Variants in PRRC2C observed in about 807,000 individuals in gnomAD.
PRRC2C encodes the protein protein PRRC2C.
PRRC2C carries 72 observed loss-of-function variants against 317.2 expected under a neutral mutation model. That is an observed-to-expected ratio of 0.23 (90% confidence interval 0.19 to 0.28). PRRC2C has a LOEUF of 0.28. Among genes scored for constraint, PRRC2C ranks in the 10% least tolerant of loss-of-function variants. The probability of loss-of-function intolerance (pLI) is 1.00; values close to 1 mark genes in which losing one functional copy is unlikely to be tolerated. For synonymous variants in PRRC2C, 1,296 were observed against 1,205.9 expected (o/e 1.07, Z -1.55); for missense variants, 3,074 against 3,459.7 (o/e 0.89, Z 2.80).
At chr1:171,550,729 G>A (rs1358952421) in intron 18 of PRRC2C, among the ~76,000 whole-genome samples, 1 of 150,766 alleles carries the variant, frequency 6.6e-6, no homozygotes, top group Non-Finnish European at 1.5e-5. Context: ...TTGGTTTTCT[G>A]TCCTTGCAAT....
In PRRC2C at chr1:171,591,886, G is replaced by GCCCCCC; in HGVS notation, c.*39_*40insCCCCCC. 9 of 475,588 alleles carry GCCCCCC rather than the reference G, an allele frequency of 1.9e-5. No homozygotes were observed. The highest frequency in any genetic ancestry group is 6.2e-5 in the East Asian group (1 of 16,260). The allele number at this position is 475,588 out of a possible 1,614,324, so 29.5% of individuals were successfully genotyped here. A position where few individuals can be genotyped will look rare whatever the true frequency, so the allele number is the denominator to read the frequency against. On this transcript the variant is annotated 3_prime_UTR_variant, in exon 35 of 35. Transcript: ENST00000647382. Reference sequence around the variant, plus strand: ...TTGCAGGGGATTGGGAGGGGGGCGGGAAAACATGGAGAATTAAGTCAGATA... The same window carrying GCCCCCC: ...TTGCAGGGGATTGGGAGGGGGGCGGGCCCCCCAAAACATGGAGAATTAAGTCAGATA...
chr1:171,537,962 G>A lies in PRRC2C; in HGVS notation c.2504+489G>A, dbSNP rs563230202. The stretch of plus-strand genomic sequence containing the variant: ...GTCTCCCAGGCTGGAGTGCAGTGGC[G>A]CGATCTCAGCTCACTGCAAGCTCTG... On this transcript the variant is annotated intron_variant, in intron 15 of 34. Coordinates refer to ENST00000647382, the MANE Select transcript of PRRC2C (RefSeq NM_001387844.1). Among the ~76,000 whole-genome samples the A allele has an allele frequency of 2.0e-5, 3 of 152,010 alleles. No individual in the cohort carries two copies. In the South Asian group the frequency reaches 6.2e-4, roughly 32 times the overall value.
In PRRC2C at chr1:171,557,545, T is replaced by G; in HGVS notation, c.5433T>G (p.Val1811=). 6.4e-7 allele frequency: 1 copy of G among 1,551,562 alleles called. No homozygotes were observed. Among genetic ancestry groups the G allele is most frequent in the Non-Finnish European group, 8.7e-7 (1 of 1,146,970 alleles). The part of the protein sequence containing the change: ...APVPASPLAP[V]SASASVSASV... ...TTCCAGCCTCACCCTTAGCTCCAGT[T>G]TCAGCCTCAGCCTCAGTCTCAGCTT... is the stretch of plus-strand genomic sequence containing the variant. The change falls in exon 19 of 35, where the codon GTT becomes GTG. Residue 1811 remains valine (V), a synonymous_variant. Transcript: ENST00000647382.
chr1:171,530,536 G>A (rs926045765), intron 11 of PRRC2C, among the ~76,000 whole-genome samples: 8 of 151,828 alleles, frequency 5.3e-5, no homozygotes, highest in African/African-American at 1.7e-4. Context: ...GTGAGCCACC[G>A]TGTCTAGCCT....
At chr1:171,535,317 A>G (rs1302362964) in intron 12 of PRRC2C, 111 bp from the exon 13 acceptor site, 1 of 889,932 alleles carries the variant, frequency 1.1e-6, no homozygotes, top group Non-Finnish European at 1.6e-6. Context: ...TAGAGTGTCG[A>G]GGATATTTTC....
At chr1:171,553,141 C>T (rs1680634229) in intron 18 of PRRC2C, among the ~76,000 whole-genome samples, 3 of 152,124 alleles carry the variant, frequency 2.0e-5, no homozygotes, top group African/African-American at 7.2e-5. Flanking sequence ...ATTTCAGAGC[C>T]TGTTACTGGT....
intron 15 of PRRC2C, among the ~76,000 whole-genome samples, chr1:171,539,244 G>T (rs540188576): frequency 1.3e-5 from 2 of 151,560 alleles, no homozygotes; most frequent in Non-Finnish European, 2.9e-5. Flanking sequence ...CAGGTGATCC[G>T]CCCTCCTCGG....
At chr1:171,523,191 G>GT (rs1673936893) in intron 7 of PRRC2C, 30 bp from the exon 8 acceptor site, 3 of 1,568,834 alleles carry the variant, frequency 1.9e-6, no homozygotes, top group Non-Finnish European at 2.6e-6. Flanking sequence ...ATAAACTTTT[G>GT]TATCTTTTCC....
At chr1:171,547,287 G>A (rs140243743) in intron 17 of PRRC2C, among the ~76,000 whole-genome samples, 2,164 of 152,182 alleles carry the variant, frequency 0.014, 20 homozygotes, top group Non-Finnish European at 0.023. Flanking sequence ...ATGTTAAAAA[G>A]AAGAGGACAT....
At chr1:171,536,326 T>C (rs546001613) in intron 14 of PRRC2C, 48 bp downstream of exon 14, 17 of 1,560,512 alleles carry the variant, frequency 1.1e-5, no homozygotes, top group African/African-American at 5.4e-5. Context: ...AATTTTTTTT[T>C]CCCTGCTTTT....
At chr1:171,509,858 T>G (rs1670977437) in intron 1 of PRRC2C, 1 of 138,914 alleles carries the variant, frequency 7.2e-6, no homozygotes. Flanking sequence ...TTTTTTTTTT[T>G]TTTTTTTTTT....
At chr1:171,581,177 C>T (rs909741943) in intron 28 of PRRC2C, among the ~76,000 whole-genome samples, 3 of 152,076 alleles carry the variant, frequency 2.0e-5, no homozygotes, top group Non-Finnish European at 2.9e-5. Context: ...TATTTTCTCC[C>T]GTTAGAAGCC....
At chr1:171,506,088 G>A (rs1270727019) in intron 1 of PRRC2C, among the ~76,000 whole-genome samples, 3 of 152,086 alleles carry the variant, frequency 2.0e-5, no homozygotes, top group Non-Finnish European at 2.9e-5. Context: ...GTAGAGCCAG[G>A]GTTTCACCAT....
At position 171,545,512 on chromosome 1, in the gene PRRC2C, G is replaced by A. The variant is rs761607738; in HGVS notation, c.4797G>A (p.Gly1599=). The change falls in exon 17 of 35, where the codon GGG becomes GGA. Residue 1599 remains glycine (G), a synonymous_variant. Coordinates refer to ENST00000647382, the MANE Select transcript of PRRC2C (RefSeq NM_001387844.1). ...PFDDQPAGTT[G]VDLINGSSAH... Reference sequence around the variant, plus strand: ...ATGACCAGCCTGCAGGCACAACTGGGGTTGACCTCATCAATGGCAGCTCTG... The same window carrying A: ...ATGACCAGCCTGCAGGCACAACTGGAGTTGACCTCATCAATGGCAGCTCTG... 3.8e-6 allele frequency: 6 copies of A among 1,581,494 alleles called. No individual in the cohort carries two copies. In the East Asian group the frequency reaches 1.2e-4, roughly 30 times the overall value.
intron 5 of PRRC2C, 27 bp from the exon 6 acceptor site, chr1:171,517,564 T>G: frequency 6.3e-7 from 1 of 1,582,958 alleles, no homozygotes; most frequent in Non-Finnish European, 8.6e-7. Flanking sequence ...TTTTATCTTT[T>G]TCCTTTTTTC....
intron 20 of PRRC2C, among the ~76,000 whole-genome samples, chr1:171,565,694 C>T (rs1394407447): frequency 6.6e-6 from 1 of 152,192 alleles, no homozygotes; most frequent in African/African-American, 2.4e-5. Context: ...CATCCGCCCA[C>T]CTAGGCCTCC....
chr1:171,497,685 T>A lies in PRRC2C; in HGVS notation c.-58+11950T>A, dbSNP rs556162740. Among the ~76,000 whole-genome samples the A allele has an allele frequency of 5.9e-5, 9 of 152,256 alleles. No individual in the cohort carries two copies. In the South Asian group the frequency reaches 1.9e-3, roughly 32 times the overall value. ...GGTCTCACCATGTTACCCAGATTGG[T>A]CTTGAACTCCTGGGCTCAAGTGGTC... On this transcript the variant is annotated intron_variant, in intron 1 of 34. Coordinates refer to ENST00000647382, the MANE Select transcript of PRRC2C (RefSeq NM_001387844.1).
chr1:171,515,841 C>T lies in PRRC2C; in HGVS notation c.508C>T (p.Pro170Ser). The T allele has an allele frequency of 6.2e-7, 1 of 1,602,830 alleles. No individual in the cohort carries two copies. The highest frequency in any genetic ancestry group is 8.5e-7 in the Non-Finnish European group (1 of 1,175,226). Reference protein sequence around the residue: ...ETNDDNYGPGPSLRPPNVACW... With the variant: ...ETNDDNYGPGSSLRPPNVACW... ...AAATGATGACAACTATGGACCTGGACCCAGTTTACGTCCACCAAGTAAGAG... is the reference window on the plus strand; with the variant it reads ...AAATGATGACAACTATGGACCTGGATCCAGTTTACGTCCACCAAGTAAGAG... Residue 170 changes from proline to serine, a missense_variant, in exon 5 of 35, where the codon CCC (proline) becomes TCC (serine). Physicochemically the swap from Pro to Ser is moderately conservative, Grantham distance 74 (BLOSUM62 -1). Coordinates refer to ENST00000647382, the MANE Select transcript of PRRC2C (RefSeq NM_001387844.1).
chr1:171,566,256 T>C lies in PRRC2C; in HGVS notation c.6141T>C (p.Ser2047=). The change falls in exon 21 of 35, where the codon AGT becomes AGC. Residue 2047 remains serine, a synonymous_variant. Transcript: ENST00000647382. ...AGGGAGCGAAGAATGGTCAAGAAAG[T>C]GGACTCGAAATTGGAACTGACACAA... ...SSEGAKNGQE[S]GLEIGTDTIQ... 1 of 1,610,946 alleles carries C rather than the reference T, an allele frequency of 6.2e-7. No homozygotes were observed. Among genetic ancestry groups the C allele is most frequent in the Non-Finnish European group, 8.5e-7 (1 of 1,178,608 alleles).
Sources: allele counts gnomAD v4.1 joint callset (sites outside exome capture counted in the v4.1 genomes callset), GRCh38; gene constraint gnomAD v4.1.1; transcripts MANE v1.5; gene names NCBI Gene and HGNC (gene_info 2026-07-23, HGNC 2026-07-21).